Variants in ACVR2B observed in about 807,000 individuals in gnomAD.
The protein encoded by ACVR2B is activin A receptor type 2B, also known as activin receptor type-2B.
Under a neutral mutation model 65.1 loss-of-function variants are expected in ACVR2B, and 18 were observed. That is an observed-to-expected ratio of 0.28 (90% CI 0.19 to 0.41). The LOEUF (loss-of-function observed/expected upper bound fraction) is 0.41, where lower values mean the gene tolerates loss of function less well. Ranked by LOEUF, ACVR2B falls within the 10% of genes least tolerant of loss-of-function variation. The pLI is 1.00. For synonymous variants in ACVR2B, 298 were observed against 277.7 expected (o/e 1.07, Z -0.73); for missense variants, 482 against 682.7 (o/e 0.71, Z 3.28).
intron 5 of ACVR2B, 129 bp from the exon 6 acceptor site, chr3:38,478,999 G>T: frequency 1.6e-6 from 2 of 1,240,742 alleles, no homozygotes; most frequent in East Asian, 2.3e-5. Context: ...TGGGAGGCTG[G>T]GGGGTGGGGA....
At chr3:38,472,836 G>A (rs2268759) in intron 1 of ACVR2B, among the ~76,000 whole-genome samples, 72,063 of 151,916 alleles carry the variant, frequency 0.47, 19,061 homozygotes, top group Non-Finnish European at 0.6. Flanking sequence ...CCTTGGTGAG[G>A]TTTCTCCCTT....
Position 38,481,154 on chromosome 3 carries a change from A to T in ACVR2B, c.960-197A>T, listed in dbSNP as rs1321717303. Among the ~76,000 whole-genome samples, 1 of 152,050 alleles carries T rather than the reference A, an allele frequency of 6.6e-6. No homozygotes were observed. The highest frequency in any genetic ancestry group is 1.5e-5 in the Non-Finnish European group (1 of 68,008). The stretch of plus-strand genomic sequence containing the variant: ...AACCCTGGGGGAAGCCTTCCATCTG[A>T]AGTGCACTGAGGGATTCTCACACCC... On this transcript the variant is annotated intron_variant, in intron 7 of 10. Transcript: ENST00000352511. The surrounding 1 kb of genome is among the most constrained non-coding windows in gnomAD (Gnocchi z 4.7).
chr3:38,459,553 G>A, intron 1 of ACVR2B: 1 of 983,094 alleles, frequency 1.0e-6, no homozygotes, highest in Non-Finnish European at 1.2e-6. Flanking sequence ...GCGGAGCACT[G>A]GGGTTGTAGC....
Position 38,486,227 on chromosome 3 carries a change from C to T in ACVR2B, c.*2895C>T, listed in dbSNP as rs1004947908. On this transcript the variant is annotated 3_prime_UTR_variant, in exon 11 of 11. Coordinates refer to ENST00000352511, the MANE Select transcript of ACVR2B (RefSeq NM_001106.4). ...TCAGATTGTGTGTCAGGAGATGGTA[C>T]CTTTTTGGTGTGGCTGGGGAGGAGT... 1 of 152,262 alleles carries T rather than the reference C, an allele frequency of 6.6e-6. No individual in the cohort carries two copies. The highest frequency in any genetic ancestry group is 1.5e-5 in the Non-Finnish European group (1 of 68,134). The allele number at this position is 152,262 out of a possible 1,614,324, so 9.4% of individuals were successfully genotyped here. A position where few individuals can be genotyped will look rare whatever the true frequency, so the allele number is the denominator to read the frequency against.
Position 38,479,387 on chromosome 3 carries a change from C to T in ACVR2B, c.810+116C>T, listed in dbSNP as rs190959821. 1.9e-4 allele frequency: 275 copies of T among 1,480,278 alleles called. 2 individuals are homozygous for T. The East Asian group carries it at 2.6e-3, about 14-fold the overall frequency. 91.7% of individuals were successfully genotyped at this position (1,480,278 alleles called of 1,614,324 possible). A position where few individuals can be genotyped will look rare whatever the true frequency, so the allele number is the denominator to read the frequency against. On this transcript the variant is annotated intron_variant, in intron 6 of 10. Coordinates refer to ENST00000352511, the MANE Select transcript of ACVR2B (RefSeq NM_001106.4). ...GTGTCCACCATGAAGTACTCTGCCC[C>T]GGTAGCACTATCCACTATGGGGTTA...
rs6599204 is a variant in ACVR2B at position 38,484,243 on chromosome 3, C to T, written c.*911C>T. ...CATTTTTTCTGCCCTAATTTTAAAA[C>T]TAGGTGAGGGTAGAATCATCACAGG... On this transcript the variant is annotated 3_prime_UTR_variant, in exon 11 of 11. Coordinates refer to ENST00000352511, the MANE Select transcript of ACVR2B (RefSeq NM_001106.4). The T allele has an allele frequency of 0.6, 91,470 of 152,078 alleles. 27,631 individuals are homozygous for T. The highest frequency in any genetic ancestry group is 0.62 in the East Asian group (3,224 of 5,168). The allele number at this position is 152,078 out of a possible 1,614,324, so 9.4% of individuals were successfully genotyped here. A position where few individuals can be genotyped will look rare whatever the true frequency, so the allele number is the denominator to read the frequency against.
rs12636077 is a variant in ACVR2B, at chr3:38,484,097, G to A, written c.*765G>A. 9,306 of 152,726 alleles carry A rather than the reference G, an allele frequency of 0.061. 454 individuals carry two copies. Among genetic ancestry groups the A allele is most frequent in the East Asian group, 0.19 (986 of 5,162 alleles). The allele number at this position is 152,726 out of a possible 1,614,324, so 9.5% of individuals were successfully genotyped here. On this transcript the variant is annotated 3_prime_UTR_variant, in exon 11 of 11. Coordinates refer to ENST00000352511, the MANE Select transcript of ACVR2B (RefSeq NM_001106.4). ...GAATTGAGGGGAAGGACCTTGTGGA[G>A]GCCGAGCATTAACAGCAAGAGCGGG...
chr3:38,460,105 A>C (rs867443465), intron 1 of ACVR2B, among the ~76,000 whole-genome samples: 1 of 152,148 alleles, frequency 6.6e-6, no homozygotes, highest in South Asian at 2.1e-4. Flanking sequence ...GTGCTTGCTG[A>C]GGTTCAGACT....
chr3:38,479,362 G>A, intron 6 of ACVR2B, 91 bp downstream of exon 6: 1 of 1,585,954 alleles, frequency 6.3e-7, no homozygotes, highest in Non-Finnish European at 8.7e-7. Context: ...CCCTGTGGAG[G>A]TGTCCACCAT....
Position 38,459,063 on chromosome 3 carries a change from G to A in ACVR2B, c.52+4689G>A, listed in dbSNP as rs151128385. Among the ~76,000 whole-genome samples the A allele has an allele frequency of 2.6e-4, 40 of 152,182 alleles. No individual in the cohort carries two copies. In the East Asian group the frequency reaches 7.7e-3, roughly 29 times the overall value. ...GTGAGAGCAAAATCATCTCAGATTG[G>A]GAACCACTGATCTAGAATGTTCTCA... is the stretch of plus-strand genomic sequence containing the variant. On this transcript the variant is annotated intron_variant, in intron 1 of 10. Transcript: ENST00000352511.
rs368837929 is a variant in ACVR2B at position 38,481,369 on chromosome 3, T to C, written c.978T>C (p.Asn326=). The part of the protein sequence containing the change: ...SIAHRDFKSK[N]VLLKSDLTAV... ...TCCACAGGGACTTTAAAAGTAAGAA[T>C]GTATTGCTGAAGAGCGACCTCACAG... Residue 326 remains asparagine, a synonymous_variant, in exon 8 of 11, where the codon AAT becomes AAC. Coordinates refer to ENST00000352511, the MANE Select transcript of ACVR2B (RefSeq NM_001106.4). This position sits in a 1 kb window ranked among gnomAD's most constrained non-coding sequence, Gnocchi z 4.7. 1.2e-6 allele frequency: 2 copies of C among 1,613,966 alleles called. No individual in the cohort carries two copies. Among genetic ancestry groups the C allele is most frequent in the African/African-American group, 1.3e-5 (1 of 74,916 alleles).
intron 8 of ACVR2B, 85 bp from the exon 9 acceptor site, chr3:38,482,113 G>A: frequency 1.3e-6 from 2 of 1,592,148 alleles, no homozygotes; most frequent in Non-Finnish European, 1.7e-6. Flanking sequence ...CCGCCATCTG[G>A]TGCACAGAGG....
At chr3:38,454,409 G>A (rs1174442228) in intron 1 of ACVR2B, 35 bp downstream of exon 1, 10 of 1,243,328 alleles carry the variant, frequency 8.0e-6, no homozygotes, top group Non-Finnish European at 1.0e-5. Flanking sequence ...ACGCCGAGAG[G>A]GCGCGCGGGG....
intron 7 of ACVR2B, 31 bp downstream of exon 7, chr3:38,479,857 C>T: frequency 1.2e-6 from 2 of 1,611,442 alleles, no homozygotes; most frequent in Non-Finnish European, 1.7e-6. Flanking sequence ...CTTTCCTGCA[C>T]TTGACCTGGA....
At chr3:38,479,003 G>C (rs557220149) in intron 5 of ACVR2B, 125 bp from the exon 6 acceptor site, 53 of 1,282,186 alleles carry the variant, frequency 4.1e-5, no homozygotes, top group Non-Finnish European at 5.8e-5. Context: ...AGGCTGGGGG[G>C]TGGGGATTGG....
At chr3:38,476,066 C>A (rs983854026) in intron 1 of ACVR2B, 1 of 152,210 alleles carries the variant, frequency 6.6e-6, no homozygotes, top group Admixed American at 6.5e-5. Context: ...CCATTGTGGG[C>A]GGCCTATAAT....
At chr3:38,482,116 C>T in intron 8 of ACVR2B, 82 bp from the exon 9 acceptor site, 2 of 1,597,030 alleles carry the variant, frequency 1.3e-6, no homozygotes, top group East Asian at 2.2e-5. Context: ...CCATCTGGTG[C>T]ACAGAGGCTG....
intron 1 of ACVR2B, among the ~76,000 whole-genome samples, chr3:38,460,233 ACCCCCTTGT>A (rs147990194): frequency 0.026 from 3,877 of 151,704 alleles, 150 homozygotes; most frequent in East Asian, 0.16. Flanking sequence ...ACAGACACCC[ACCCCCTTGT>A]TCTGGGCTTT....
intron 7 of ACVR2B, among the ~76,000 whole-genome samples, chr3:38,480,874 G>T (rs1440231885): frequency 6.6e-6 from 1 of 152,196 alleles, no homozygotes; most frequent in East Asian, 1.9e-4. Flanking sequence ...CTGGGTGCAT[G>T]CAATAGCACC....
Sources: allele counts gnomAD v4.1 joint callset (sites outside exome capture counted in the v4.1 genomes callset), GRCh38; gene constraint gnomAD v4.1.1; non-coding constraint Gnocchi (gnomAD v3.1); transcripts MANE v1.5; gene names NCBI Gene and HGNC (gene_info 2026-07-23, HGNC 2026-07-21).